The following HEMK1 variants were observed in gnomAD, a reference collection of about 807,000 sequenced individuals.
HEMK1 encodes MTRF1L release factor glutamine methyltransferase.
A neutral mutation model predicts 47.9 loss-of-function variants in HEMK1; 36 were observed. The observed-to-expected ratio is 0.75, with a 90% CI of 0.58 to 0.99. The LOEUF is 0.99. Ranked by LOEUF, HEMK1 falls within the 50% of genes least tolerant of loss-of-function variation. The probability of loss-of-function intolerance (pLI) is 0.00; values close to 1 mark genes in which losing one functional copy is unlikely to be tolerated. For missense variants in HEMK1, 383 were observed against 434.5 expected (o/e 0.88, Z 1.05); for synonymous variants, 153 against 165.4 (o/e 0.93, Z 0.57).
At chr3:50,578,060 A>C (rs1313000083) in intron 7 of HEMK1, among the ~76,000 whole-genome samples, 185 bp downstream of exon 7, 1 of 152,230 alleles carries the variant, frequency 6.6e-6, no homozygotes, top group Non-Finnish European at 1.5e-5. Flanking sequence ...GGCTGAGGAC[A>C]GACAAGGTGC....
rs556168942 is a variant in HEMK1 at position 50,594,368 on chromosome 3, C to T, written c.*13951C>T. On this transcript the variant is annotated 3_prime_UTR_variant, in exon 11 of 11. Coordinates refer to ENST00000232854, the MANE Select transcript of HEMK1 (RefSeq NM_016173.5). Reference sequence around the variant, plus strand: ...CTGTGGTACCAAAGAAAAATTGACACGGTCCCTACTCATAAGGAGTTCATG... The same window carrying T: ...CTGTGGTACCAAAGAAAAATTGACATGGTCCCTACTCATAAGGAGTTCATG... 3 of 152,290 alleles carry T rather than the reference C, an allele frequency of 2.0e-5. No homozygotes were observed. The highest frequency in any genetic ancestry group is 2.1e-4 in the South Asian group (1 of 4,828). The allele number at this position is 152,290 out of a possible 1,614,324, so 9.4% of individuals were successfully genotyped here.
At chr3:50,572,004 G>A (rs1701032542) in intron 3 of HEMK1, 111 bp from the exon 4 acceptor site, 1 of 1,542,498 alleles carries the variant, frequency 6.5e-7, no homozygotes, top group Non-Finnish European at 8.8e-7. Context: ...CCAAGGCCCT[G>A]GAGACATGGT....
rs1281877573 is a variant in HEMK1, at chr3:50,590,057, C to T, written c.*9640C>T. Reference sequence around the variant, plus strand: ...AAAATTAGCTGGGTGTGGTGGTGGACACCTGTAATCCCAGCTACTCGGGAG... The same window carrying T: ...AAAATTAGCTGGGTGTGGTGGTGGATACCTGTAATCCCAGCTACTCGGGAG... On this transcript the variant is annotated 3_prime_UTR_variant, in exon 11 of 11. Transcript: ENST00000232854. 2 of 150,794 alleles carry T rather than the reference C, an allele frequency of 1.3e-5. No homozygotes were observed. The highest frequency in any genetic ancestry group is 4.9e-5 in the African/African-American group (2 of 40,856). The allele number at this position is 150,794 out of a possible 1,614,324, so 9.3% of individuals were successfully genotyped here. A position where few individuals can be genotyped will look rare whatever the true frequency, so the allele number is the denominator to read the frequency against.
rs941579029 is a variant in HEMK1 at position 50,580,546 on chromosome 3, C to G, written c.*129C>G. On this transcript the variant is annotated 3_prime_UTR_variant, in exon 11 of 11. Transcript: ENST00000232854. ...TGTGATTTCCCCATGCTCTGCATTT[C>G]TAGGATATTTCTAGGACACCTGGAT... The G allele has an allele frequency of 3.2e-5, 30 of 950,070 alleles. No individual in the cohort carries two copies. The highest frequency in any genetic ancestry group is 4.6e-5 in the Non-Finnish European group (29 of 627,410). 58.9% of individuals were successfully genotyped at this position (950,070 alleles called of 1,614,324 possible). A position where few individuals can be genotyped will look rare whatever the true frequency, so the allele number is the denominator to read the frequency against.
Position 50,593,149 on chromosome 3 carries a change from C to G in HEMK1, c.*12732C>G, listed in dbSNP as rs919430147. On this transcript the variant is annotated 3_prime_UTR_variant, in exon 11 of 11. Transcript: ENST00000232854. Reference sequence around the variant, plus strand: ...TGAACCCTCTCACTATCTGGCTGTCCCCTCATTCTCTCACCACCCACTCCC... The same window carrying G: ...TGAACCCTCTCACTATCTGGCTGTCGCCTCATTCTCTCACCACCCACTCCC... The G allele has an allele frequency of 3.3e-5, 5 of 152,262 alleles. No individual in the cohort carries two copies. The highest frequency in any genetic ancestry group is 3.2e-3 in the Middle Eastern group (1 of 316). 9.4% of individuals were successfully genotyped at this position (152,262 alleles called of 1,614,324 possible).
intron 5 of HEMK1, 58 bp from the exon 6 acceptor site, chr3:50,577,451 A>G: frequency 3.9e-6 from 6 of 1,537,864 alleles, no homozygotes. Context: ...CAGGCCCAGT[A>G]TCTTCCAGCA....
chr3:50,573,652 G>T (rs994301294), intron 4 of HEMK1, among the ~76,000 whole-genome samples: 2 of 152,228 alleles, frequency 1.3e-5, no homozygotes, highest in African/African-American at 4.8e-5. Flanking sequence ...AGACATTTCT[G>T]AGAACTCACC....
chr3:50,571,012 T>C lies in HEMK1; in HGVS notation c.-93T>C. ...ACCTCTCCATCTCCACCCAGCTGGG[T>C]CCAGGGGCCACTCTCAGCACTCACC... On this transcript the variant is annotated 5_prime_UTR_variant, in exon 2 of 11. Transcript: ENST00000232854. 6 of 964,984 alleles carry C rather than the reference T, an allele frequency of 6.2e-6. No individual in the cohort carries two copies. In the South Asian group the frequency reaches 1.0e-4, roughly 16 times the overall value. The allele number at this position is 964,984 out of a possible 1,614,324, so 59.8% of individuals were successfully genotyped here.
chr3:50,574,054 G>C (rs936055009), intron 4 of HEMK1, among the ~76,000 whole-genome samples: 3 of 152,208 alleles, frequency 2.0e-5, no homozygotes, highest in African/African-American at 7.2e-5. Flanking sequence ...GGGCACTTAG[G>C]TTCTGCCCAG....
rs772723907 is a variant in HEMK1 at position 50,571,234 on chromosome 3, C to A, written c.130C>A (p.Leu44Met). Residue 44 changes from leucine to methionine, a missense_variant, in exon 2 of 11, where the codon CTG (leucine) becomes ATG (methionine). Coordinates refer to ENST00000232854, the MANE Select transcript of HEMK1 (RefSeq NM_016173.5). ...PLAGLSSAIE[L>M]VSHWTGVFEK... is the part of the protein sequence containing the mutation. ...GGCTGGGTTATCCAGTGCCATAGAA[C>A]TGGTCAGCCACTGGACTGGGGTCTT... 1 of 1,613,856 alleles carries A rather than the reference C, an allele frequency of 6.2e-7. No individual in the cohort carries two copies. The highest frequency in any genetic ancestry group is 2.2e-5 in the East Asian group (1 of 44,890).
In HEMK1 at chr3:50,577,296, A is replaced by G. The variant is rs1701690080; in HGVS notation, c.549+110A>G. 15 of 1,334,454 alleles carry G rather than the reference A, an allele frequency of 1.1e-5. 2 individuals carry two copies. The highest frequency in any genetic ancestry group is 1.6e-5 in the Non-Finnish European group (15 of 957,216). 82.7% of individuals were successfully genotyped at this position (1,334,454 alleles called of 1,614,324 possible). A position where few individuals can be genotyped will look rare whatever the true frequency, so the allele number is the denominator to read the frequency against. On this transcript the variant is annotated intron_variant, in intron 5 of 10. Coordinates refer to ENST00000232854, the MANE Select transcript of HEMK1 (RefSeq NM_016173.5). ...GGAGCGCTTGAGGGGAAGCAGCTGG[A>G]TGAGGGAGGACAGGGCTGCCCCTAG...
rs2031961573 is a variant in HEMK1 at position 50,596,155 on chromosome 3, T to C, written c.*15738T>C. On this transcript the variant is annotated 3_prime_UTR_variant, in exon 11 of 11. Transcript: ENST00000232854. ...ATACAAGTGATCAATTTCCAATAAA[T>C]TGATTAAAGAATTCATGTGCATTCC... 1 of 152,196 alleles carries C rather than the reference T, an allele frequency of 6.6e-6. No individual in the cohort carries two copies. Among genetic ancestry groups the C allele is most frequent in the Admixed American group, 6.5e-5 (1 of 15,274 alleles). The allele number at this position is 152,196 out of a possible 1,614,324, so 9.4% of individuals were successfully genotyped here.
intron 3 of HEMK1, 76 bp downstream of exon 3, chr3:50,571,877 C>G (rs1701006334): frequency 7.5e-6 from 11 of 1,474,134 alleles, no homozygotes; most frequent in Non-Finnish European, 1.0e-5. Flanking sequence ...CCACCAAGTT[C>G]AGGGAGGAGG....
intron 4 of HEMK1, among the ~76,000 whole-genome samples, chr3:50,572,603 G>A (rs1701127363): frequency 2.0e-5 from 3 of 152,218 alleles, no homozygotes; most frequent in Non-Finnish European, 4.4e-5. Context: ...CCGGACACCT[G>A]GAGACCTGGT....
chr3:50,576,960 A>G lies in HEMK1; in HGVS notation c.415-92A>G. The G allele has an allele frequency of 4.0e-6, 6 of 1,489,278 alleles. No individual in the cohort carries two copies. The South Asian group carries it at 4.9e-5, about 12-fold the overall frequency. 92.3% of individuals were successfully genotyped at this position (1,489,278 alleles called of 1,614,324 possible). A position where few individuals can be genotyped will look rare whatever the true frequency, so the allele number is the denominator to read the frequency against. On this transcript the variant is annotated intron_variant, in intron 4 of 10. Transcript: ENST00000232854. ...CTGGCTTTGGCTACCTCCCCTTCCT[A>G]CGTTCACAAGGGTAACTGCTTAGGC...
intron 4 of HEMK1, among the ~76,000 whole-genome samples, 182 bp from the exon 5 acceptor site, chr3:50,576,870 T>C (rs1401091006): frequency 6.6e-6 from 1 of 152,202 alleles, no homozygotes; most frequent in Non-Finnish European, 1.5e-5. Flanking sequence ...GATGTACAGA[T>C]GGGGAAGCTG....
chr3:50,572,746 T>C (rs1322548526), intron 4 of HEMK1, among the ~76,000 whole-genome samples: 1 of 152,228 alleles, frequency 6.6e-6, no homozygotes, highest in Non-Finnish European at 1.5e-5. Flanking sequence ...TAATCACCTG[T>C]GTTGTCCCTC....
In HEMK1 at chr3:50,572,214, T is replaced by C; in HGVS notation, c.414+6T>C. Reference sequence around the variant, plus strand: ...TTCCTCGGCCAGAAACAGAGGTAGGTGTGCCACCAGGGCAAGGCAGGATCA... The same window carrying C: ...TTCCTCGGCCAGAAACAGAGGTAGGCGTGCCACCAGGGCAAGGCAGGATCA... On this transcript the variant is annotated splice_donor_region_variant and intron_variant, in intron 4 of 10. Transcript: ENST00000232854. 1 of 1,609,056 alleles carries C rather than the reference T, an allele frequency of 6.2e-7. No homozygotes were observed. Among genetic ancestry groups the C allele is most frequent in the Non-Finnish European group, 8.5e-7 (1 of 1,177,562 alleles).
Position 50,579,892 on chromosome 3 carries a change from C to T in HEMK1, c.819C>T (p.Ile273=). Residue 273 remains isoleucine (I), a synonymous_variant, in exon 9 of 11, where the codon ATC becomes ATT. Coordinates refer to ENST00000232854, the MANE Select transcript of HEMK1 (RefSeq NM_016173.5). The stretch of plus-strand genomic sequence containing the variant: ...ATGGTGGGGAGGAGGGCATGGACAT[C>T]ATTACCCACATTCTGGCCTTGGCAC... ...ALDGGEEGMD[I]ITHILALAPR... The T allele has an allele frequency of 6.2e-7, 1 of 1,614,062 alleles. No homozygotes were observed. Among genetic ancestry groups the T allele is most frequent in the East Asian group, 2.2e-5 (1 of 44,880 alleles).
Sources: allele counts gnomAD v4.1 joint callset (sites outside exome capture counted in the v4.1 genomes callset), GRCh38; gene constraint gnomAD v4.1.1; transcripts MANE v1.5; gene names NCBI Gene and HGNC (gene_info 2026-07-23, HGNC 2026-07-21).